VPS50: variants seen among roughly 807,000 people sequenced by gnomAD.
VPS50 encodes the protein syndetin.
VPS50 carries 70 observed loss-of-function variants against 139.7 expected under a neutral mutation model. The observed-to-expected ratio is 0.50, with a 90% CI of 0.41 to 0.61. The LOEUF is 0.61. Among genes scored for constraint, VPS50 ranks in the 20% least tolerant of loss-of-function variants. The pLI, the probability that VPS50 is intolerant of heterozygous loss-of-function variation, is 0.00. For missense variants in VPS50, 921 were observed against 1,133.7 expected (o/e 0.81, Z 2.69); for synonymous variants, 365 against 376.7 (o/e 0.97, Z 0.36).
chr7:93,286,864 A>G (rs191867806), intron 12 of VPS50, among the ~76,000 whole-genome samples: 10 of 152,224 alleles, frequency 6.6e-5, no homozygotes, highest in East Asian at 1.9e-4. Flanking sequence ...CACTGTGACA[A>G]TTGACACCAG....
intron 20 of VPS50, among the ~76,000 whole-genome samples, chr7:93,312,401 C>G (rs1219759702): frequency 9.2e-5 from 14 of 152,098 alleles, no homozygotes; most frequent in Admixed American, 9.2e-4. Context: ...TCTGTAATGT[C>G]TCTCATACAT....
chr7:93,259,446 G>T, intron 8 of VPS50, 104 bp from the exon 9 acceptor site: 1 of 572,644 alleles, frequency 1.7e-6, no homozygotes, highest in African/African-American at 1.9e-5. Context: ...AAAGTTTTTT[G>T]ATTCTGTAAC....
At position 93,258,173 on chromosome 7, in the gene VPS50, C is replaced by A; in HGVS notation, c.437C>A (p.Ala146Glu). The change falls in exon 7 of 28, where the codon GCA becomes GAA. Residue 146 changes from alanine (A) to glutamate (E), a missense_variant. Around this residue, in one of 3 missense-constraint regions of VPS50, gnomAD observed 744 missense variants for 930.6 expected, o/e 0.80. Coordinates refer to ENST00000305866, the MANE Select transcript of VPS50 (RefSeq NM_017667.4). ...CTNGRRHLNI[A>E]KEGFTQASLG... ...CACTTTTGCAGACACTTGAATATTG[C>A]AAAGGAAGGTTTTACTCAAGCTAGT... 1 of 1,522,940 alleles carries A rather than the reference C, an allele frequency of 6.6e-7. No individual in the cohort carries two copies. 94.3% of individuals were successfully genotyped at this position (1,522,940 alleles called of 1,614,324 possible).
At chr7:93,299,036 T>C (rs943423292) in intron 16 of VPS50, among the ~76,000 whole-genome samples, 1 of 152,206 alleles carries the variant, frequency 6.6e-6, no homozygotes, top group African/African-American at 2.4e-5. Flanking sequence ...GTATTGTATA[T>C]TGTAAAAATT....
intron 12 of VPS50, chr7:93,276,517 G>T (rs1044519580): frequency 1.5e-6 from 1 of 653,958 alleles, no homozygotes; most frequent in Non-Finnish European, 2.3e-6. Context: ...ATTGGAGCAT[G>T]ATTGCTTCTC....
chr7:93,242,794 ATAGGT>A (rs1045322737), intron 2 of VPS50, among the ~76,000 whole-genome samples: 5 of 151,946 alleles, frequency 3.3e-5, no homozygotes, highest in African/African-American at 1.2e-4. Context: ...CAAGAAAGAA[ATAGGT>A]TAGTTTGGGT....
chr7:93,356,043 C>A lies in VPS50; in HGVS notation c.2738C>A (p.Thr913Asn). Residue 913 changes from threonine to asparagine, a missense_variant, in exon 27 of 28, where the codon ACT becomes AAT. Physicochemically the swap from Thr to Asn is moderately conservative, Grantham distance 65. This residue lies in a region of VPS50 where 158 missense variants were observed against 156.3 expected (regional missense o/e 1.01). Transcript: ENST00000305866. The stretch of plus-strand genomic sequence containing the variant: ...ACTTATATTAAAGCTTATTACCTAA[C>A]TGAGAATGACATGGAACGGTGGATC... Reference protein sequence around the residue: ...VETYIKAYYLTENDMERWIKE... With the variant: ...VETYIKAYYLNENDMERWIKE... The A allele has an allele frequency of 1.3e-6, 2 of 1,544,406 alleles. No individual in the cohort carries two copies.
At chr7:93,243,876 A>G (rs1584379301) in intron 2 of VPS50, among the ~76,000 whole-genome samples, 1 of 152,050 alleles carries the variant, frequency 6.6e-6, no homozygotes, top group East Asian at 1.9e-4. Flanking sequence ...CACTTTCCAT[A>G]GTACTTCCAC....
At chr7:93,335,858 C>T (rs565690027) in intron 22 of VPS50, among the ~76,000 whole-genome samples, 2 of 152,314 alleles carry the variant, frequency 1.3e-5, no homozygotes, top group East Asian at 3.9e-4. Flanking sequence ...GATCATCAAA[C>T]TCCAGTTCTA....
At chr7:93,296,966 G>A (rs1796829598) in intron 15 of VPS50, 130 bp downstream of exon 15, 1 of 1,432,340 alleles carries the variant, frequency 7.0e-7, no homozygotes. Flanking sequence ...GTTTGTGAGT[G>A]TATTTAAATA....
rs202053033 is a variant in VPS50, at chr7:93,252,618, A to G, written c.103-35A>G. 8.3e-6 allele frequency: 12 copies of G among 1,453,514 alleles called. No individual in the cohort carries two copies. The East Asian group carries it at 2.7e-4, about 33-fold the overall frequency. The allele number at this position is 1,453,514 out of a possible 1,614,324, so 90.0% of individuals were successfully genotyped here. On this transcript the variant is annotated intron_variant, in intron 2 of 27. Transcript: ENST00000305866. ...CCATGCAGATATAATTTTAACAGCTACAATTACTATAATTGTGATTTTTTT... is the reference window on the plus strand; with the variant it reads ...CCATGCAGATATAATTTTAACAGCTGCAATTACTATAATTGTGATTTTTTT...
chr7:93,315,308 T>G (rs1014208032), intron 20 of VPS50, among the ~76,000 whole-genome samples: 17 of 152,214 alleles, frequency 1.1e-4, no homozygotes, highest in Non-Finnish European at 2.1e-4. Flanking sequence ...TCTTCTACTT[T>G]TCAACATATA....
At chr7:93,325,066 C>T (rs1427833437) in intron 21 of VPS50, among the ~76,000 whole-genome samples, 2 of 151,934 alleles carry the variant, frequency 1.3e-5, no homozygotes, top group East Asian at 3.9e-4. Context: ...CTACAGTAAC[C>T]AAAACAGCAT....
chr7:93,341,786 A>G (rs1031179658), intron 23 of VPS50, among the ~76,000 whole-genome samples: 2 of 152,218 alleles, frequency 1.3e-5, no homozygotes, highest in African/African-American at 4.8e-5. Context: ...GAAAGAAGGA[A>G]ATCTTTTAAT....
intron 1 of VPS50, among the ~76,000 whole-genome samples, chr7:93,235,919 CA>C (rs2116760377): frequency 6.6e-6 from 1 of 151,932 alleles, no homozygotes; most frequent in East Asian, 1.9e-4. Context: ...TGTAGATATA[CA>C]AAGAATCTAA....
At chr7:93,322,599 CA>C (rs71528064) in intron 20 of VPS50, among the ~76,000 whole-genome samples, 268 of 66,166 alleles carry the variant, frequency 4.1e-3, no homozygotes, top group African/African-American at 8.6e-3. Flanking sequence ...GACTCCGTCT[CA>C]AAAAAAAAAA....
intron 10 of VPS50, 122 bp from the exon 11 acceptor site, chr7:93,272,513 G>T (rs917045090): frequency 6.7e-6 from 3 of 445,082 alleles, no homozygotes; most frequent in Non-Finnish European, 1.2e-5. Flanking sequence ...TCTAAATCTG[G>T]TATGATAGTA....
At position 93,305,798 on chromosome 7, in the gene VPS50, A is replaced by G. The variant is rs555089361; in HGVS notation, c.1453-30A>G. On this transcript the variant is annotated intron_variant, in intron 17 of 27. Transcript: ENST00000305866. ...TGTACTAGAATTTTATTGTTGCTAA[A>G]GGGTATCTGGCTCCTTTTTTAACAT... 6 of 1,577,374 alleles carry G rather than the reference A, an allele frequency of 3.8e-6. No homozygotes were observed. In the African/African-American group the frequency reaches 5.4e-5, roughly 14 times the overall value.
At chr7:93,297,873 T>C (rs999985312) in intron 16 of VPS50, among the ~76,000 whole-genome samples, 1 of 152,182 alleles carries the variant, frequency 6.6e-6, no homozygotes, top group African/African-American at 2.4e-5. Flanking sequence ...TCTCTTGATA[T>C]AAGCTAGACC....
Sources: allele counts gnomAD v4.1 joint callset (sites outside exome capture counted in the v4.1 genomes callset), GRCh38; gene constraint gnomAD v4.1.1; regional missense constraint gnomAD v4.1.1; transcripts MANE v1.5; gene names NCBI Gene and HGNC (gene_info 2026-07-23, HGNC 2026-07-21).